The following PPFIBP2 variants were observed in gnomAD, a reference collection of about 807,000 sequenced individuals.
PPFIBP2 encodes PPFIB scaffold protein 2, also known as liprin-beta-2.
A neutral mutation model predicts 118.3 loss-of-function variants in PPFIBP2; 118 were observed. That is an observed-to-expected ratio of 1.00 (90% CI 0.86 to 1.16). PPFIBP2 has a LOEUF of 1.16. Among genes scored for constraint, PPFIBP2 ranks in the 50% most tolerant of loss-of-function variants. The pLI is 0.00. For synonymous variants in PPFIBP2, 414 were observed against 397.4 expected (o/e 1.04, Z -0.50); for missense variants, 1,195 against 1,073.1 (o/e 1.11, Z -1.59).
At chr11:7,538,571 G>A (rs534309211) in intron 1 of PPFIBP2, among the ~76,000 whole-genome samples, 27 of 152,328 alleles carry the variant, frequency 1.8e-4, no homozygotes, top group African/African-American at 6.5e-4. Context: ...GAGGCTGGTG[G>A]TGGAGCAGGG....
intron 2 of PPFIBP2, among the ~76,000 whole-genome samples, chr11:7,555,350 A>G (rs1564967657): frequency 6.6e-6 from 1 of 152,210 alleles, no homozygotes; most frequent in Non-Finnish European, 1.5e-5. Flanking sequence ...CCTTTCTGCC[A>G]ACTCTGATTA....
chr11:7,652,768 T>C (rs1472978919), intron 23 of PPFIBP2, among the ~76,000 whole-genome samples: 1 of 152,194 alleles, frequency 6.6e-6, no homozygotes, highest in Non-Finnish European at 1.5e-5. Context: ...AAAGTCACTT[T>C]GGTGGGGCAG....
intron 11 of PPFIBP2, chr11:7,632,265 CCT>C (rs1429851950): frequency 6.6e-6 from 1 of 152,308 alleles, no homozygotes; most frequent in Non-Finnish European, 1.5e-5. Flanking sequence ...AGAGGGAGCC[CCT>C]CTCTCCCACT....
chr11:7,663,889 C>G, the PPFIBP2 span, among the ~76,000 whole-genome samples: 78 of 152,164 alleles, frequency 5.1e-4, no homozygotes, highest in Middle Eastern at 0.01. Context: ...GCGCAGTATT[C>G]TGGTGGGAGT....
intron 2 of PPFIBP2, among the ~76,000 whole-genome samples, chr11:7,555,863 T>C (rs1042650765): frequency 5.3e-5 from 8 of 152,238 alleles, no homozygotes; most frequent in African/African-American, 1.9e-4. Flanking sequence ...TAGTTGTAGG[T>C]ATAGGAACTG....
chr11:7,652,391 C>T (rs1854174721), intron 23 of PPFIBP2, among the ~76,000 whole-genome samples: 2 of 152,238 alleles, frequency 1.3e-5, no homozygotes, highest in Non-Finnish European at 2.9e-5. Context: ...CCTGCCTGAG[C>T]CACAGCATCC....
In PPFIBP2 at chr11:7,648,483, G is replaced by A; in HGVS notation, c.1743G>A (p.Gln581=). The A allele has an allele frequency of 1.9e-6, 3 of 1,614,140 alleles. No individual in the cohort carries two copies. The highest frequency in any genetic ancestry group is 1.7e-6 in the Non-Finnish European group (2 of 1,180,028). ...CTCAGTATGTGATCTTTGCCAGGCA[G>A]TGGGTATCTTCTGGCCACACCTTAT... The part of the protein sequence containing the change: ...GLAQYVIFAR[Q]WVSSGHTLLT... Residue 581 remains glutamine, a synonymous_variant, in exon 18 of 24, where the codon CAG becomes CAA. Coordinates refer to ENST00000299492, the MANE Select transcript of PPFIBP2 (RefSeq NM_003621.5).
chr11:7,536,403 A>G (rs1481887608), intron 1 of PPFIBP2, among the ~76,000 whole-genome samples: 1 of 152,208 alleles, frequency 6.6e-6, no homozygotes, highest in Non-Finnish European at 1.5e-5. Flanking sequence ...GTGCAGGGTC[A>G]AAGGACATGT....
chr11:7,579,746 G>T (rs1298268101), intron 3 of PPFIBP2, among the ~76,000 whole-genome samples: 2 of 152,154 alleles, frequency 1.3e-5, no homozygotes, highest in African/African-American at 4.8e-5. Flanking sequence ...TTGGAAGTTT[G>T]CTTAGGGAAA....
intron 1 of PPFIBP2, among the ~76,000 whole-genome samples, chr11:7,535,456 G>T (rs921512933): frequency 3.9e-5 from 6 of 152,146 alleles, no homozygotes; most frequent in African/African-American, 1.2e-4. Flanking sequence ...CCTTGGAGTT[G>T]GACTGCCTGA....
intron 1 of PPFIBP2, among the ~76,000 whole-genome samples, chr11:7,529,047 A>T (rs961709582): frequency 6.6e-6 from 1 of 152,056 alleles, no homozygotes; most frequent in South Asian, 2.1e-4. Context: ...AGTTGAGACC[A>T]CCTGCGAGGC....
Position 7,649,646 on chromosome 11 carries a change from G to A in PPFIBP2, c.2113G>A (p.Ala705Thr). ...CCCCCACTGCCTGCACCGGCGGCCA[G>A]CTGATGAGGTGAGACCACAAATAGT... is the stretch of plus-strand genomic sequence containing the variant. ...FNPHCLHRRP[A>T]DESNLSPSEV... Residue 705 changes from alanine (A) to threonine (T), a missense_variant, in exon 21 of 24, where the codon GCT becomes ACT. Ala to Thr is a moderately conservative substitution (Grantham distance 58, BLOSUM62 0). Coordinates refer to ENST00000299492, the MANE Select transcript of PPFIBP2 (RefSeq NM_003621.5). 1 of 1,614,242 alleles carries A rather than the reference G, an allele frequency of 6.2e-7. No homozygotes were observed. Among genetic ancestry groups the A allele is most frequent in the Admixed American group, 1.7e-5 (1 of 60,032 alleles).
At position 7,514,863 on chromosome 11, in the gene PPFIBP2, A is replaced by G. The variant is rs554797597; in HGVS notation, c.-37+742A>G. ...CTTCTTAAAAAACGAATCTAATTAT[A>G]TTTTTACTTTTAGAGCAGCCAGATA... is the stretch of plus-strand genomic sequence containing the variant. On this transcript the variant is annotated intron_variant, in intron 1 of 23. Transcript: ENST00000299492. 8.5e-5 allele frequency among the ~76,000 whole-genome samples: 13 copies of G among 152,238 alleles called. No individual in the cohort carries two copies. The East Asian group carries it at 2.5e-3, about 29-fold the overall frequency.
At chr11:7,573,430 T>C (rs571514666) in intron 3 of PPFIBP2, among the ~76,000 whole-genome samples, 25 of 152,378 alleles carry the variant, frequency 1.6e-4, no homozygotes, top group African/African-American at 5.5e-4. Flanking sequence ...ATTCACATTT[T>C]GGTGTCCATA....
the PPFIBP2 span, among the ~76,000 whole-genome samples, chr11:7,663,620 C>A: frequency 3.3e-5 from 5 of 152,242 alleles, no homozygotes; most frequent in Non-Finnish European, 7.3e-5. Context: ...TTCCCTGCCC[C>A]CAGAGGTGGA....
intron 6 of PPFIBP2, among the ~76,000 whole-genome samples, chr11:7,618,752 T>C (rs1300508367): frequency 2.0e-5 from 3 of 152,168 alleles, no homozygotes; most frequent in Admixed American, 6.5e-5. Context: ...CGGCTAACTT[T>C]TGTATTTTTA....
chr11:7,642,448 T>C, intron 17 of PPFIBP2, 22 bp downstream of exon 17: 1 of 1,601,830 alleles, frequency 6.2e-7, no homozygotes, highest in Non-Finnish European at 8.5e-7. Flanking sequence ...CCCACTTTCC[T>C]TTGATCTCCC....
chr11:7,664,941 G>A, the PPFIBP2 span, among the ~76,000 whole-genome samples: 7 of 152,130 alleles, frequency 4.6e-5, no homozygotes, highest in African/African-American at 7.2e-5. Flanking sequence ...GCCATGGAGA[G>A]ATTCTTGAGA....
rs541676824 is a variant in PPFIBP2 at position 7,523,985 on chromosome 11, G to C, written c.-37+9864G>C. ...CTGGGCCTCTCACTCTGACCTGGAGGGCCACTCCTGTGACTGCACTGATTA... is the reference window on the plus strand; with the variant it reads ...CTGGGCCTCTCACTCTGACCTGGAGCGCCACTCCTGTGACTGCACTGATTA... On this transcript the variant is annotated intron_variant, in intron 1 of 23. Coordinates refer to ENST00000299492, the MANE Select transcript of PPFIBP2 (RefSeq NM_003621.5). Among the ~76,000 whole-genome samples, 7 of 152,292 alleles carry C rather than the reference G, an allele frequency of 4.6e-5. No homozygotes were observed. In the South Asian group the frequency reaches 1.2e-3, roughly 27 times the overall value.
Sources: gnomAD v4.1 joint callset for allele counts (sites outside exome capture counted in the v4.1 genomes callset) on GRCh38, gnomAD v4.1.1 for gene constraint, MANE v1.5 for transcripts, NCBI Gene and HGNC (gene_info 2026-07-23, HGNC 2026-07-21) for gene names.